The following RIPK2 variants were observed in gnomAD, a reference collection of about 807,000 sequenced individuals.
RIPK2 encodes receptor interacting serine/threonine kinase 2.
A neutral mutation model predicts 60.9 loss-of-function variants in RIPK2; 38 were observed. The ratio of observed to expected loss-of-function variants is 0.62; its 90% CI spans 0.48 to 0.82. The LOEUF (loss-of-function observed/expected upper bound fraction) is 0.82. Ranked by LOEUF, RIPK2 falls within the 40% of genes least tolerant of loss-of-function variation. RIPK2 has a pLI of 0.00. For synonymous variants in RIPK2, 225 were observed against 223.4 expected (o/e 1.01, Z -0.06); for missense variants, 518 against 647.0 (o/e 0.80, Z 2.16).
intron 3 of RIPK2, among the ~76,000 whole-genome samples, chr8:89,766,266 A>G (rs1809227872): frequency 6.6e-6 from 1 of 151,858 alleles, no homozygotes. Flanking sequence ...ATTTTGGGGT[A>G]ATTATTTACA....
At chr8:89,778,058 G>A (rs1022388665) in intron 6 of RIPK2, among the ~76,000 whole-genome samples, 3 of 151,796 alleles carry the variant, frequency 2.0e-5, no homozygotes, top group East Asian at 3.9e-4. Flanking sequence ...AGTTCACAAT[G>A]AAAGAAATTT....
intron 10 of RIPK2, 146 bp from the exon 11 acceptor site, chr8:89,789,933 C>G (rs1809648545): frequency 1.7e-6 from 1 of 573,024 alleles, no homozygotes; most frequent in Non-Finnish European, 2.9e-6. Flanking sequence ...TGAAAAATGA[C>G]ACCATTCCCC....
At chr8:89,772,450 C>A (rs1431976737) in intron 5 of RIPK2, among the ~76,000 whole-genome samples, 3 of 151,994 alleles carry the variant, frequency 2.0e-5, no homozygotes, top group African/African-American at 7.2e-5. Flanking sequence ...CATGGTCAAG[C>A]CCAAAATTAA....
In RIPK2 at chr8:89,772,831, G is replaced by C; in HGVS notation, c.853+3G>C. ...AGATGAAAGACCATCTTTCTTAAGT[G>C]AGTATATAGTTTTAACCTAGACTCT... On this transcript the variant is annotated splice_donor_region_variant and intron_variant, in intron 6 of 10. Transcript: ENST00000220751. The C allele has an allele frequency of 3.1e-6, 5 of 1,596,590 alleles. No homozygotes were observed. The highest frequency in any genetic ancestry group is 4.3e-6 in the Non-Finnish European group (5 of 1,169,766).
At chr8:89,789,226 G>A (rs1809634590) in intron 9 of RIPK2, 95 bp from the exon 10 acceptor site, 1 of 1,026,986 alleles carries the variant, frequency 9.7e-7, no homozygotes, top group Non-Finnish European at 1.5e-6. Context: ...TAAAGACATT[G>A]GAGCCTACCT....
At chr8:89,784,230 T>C in intron 8 of RIPK2, 91 bp downstream of exon 8, 4 of 770,550 alleles carry the variant, frequency 5.2e-6, no homozygotes, top group Non-Finnish European at 5.8e-6. Flanking sequence ...CCTTCTTTTA[T>C]AGAAGGAAAA....
intron 1 of RIPK2, among the ~76,000 whole-genome samples, chr8:89,760,491 C>A (rs980470315): frequency 1.3e-5 from 2 of 152,142 alleles, no homozygotes; most frequent in Non-Finnish European, 2.9e-5. Context: ...TTTTTAAAAT[C>A]TTTTGGCTTT....
At chr8:89,776,341 A>G (rs1191456689) in intron 6 of RIPK2, among the ~76,000 whole-genome samples, 1 of 152,234 alleles carries the variant, frequency 6.6e-6, no homozygotes, top group Admixed American at 6.5e-5. Context: ...TATGTAAGAC[A>G]GCAATTCTCA....
chr8:89,761,422 C>T (rs1330348037), intron 1 of RIPK2, among the ~76,000 whole-genome samples: 1 of 151,978 alleles, frequency 6.6e-6, no homozygotes, highest in African/African-American at 2.4e-5. Flanking sequence ...CGCGGGCATT[C>T]TATTCACTTA....
At chr8:89,788,227 C>T (rs540206667) in intron 9 of RIPK2, among the ~76,000 whole-genome samples, 2 of 151,706 alleles carry the variant, frequency 1.3e-5, no homozygotes, top group Admixed American at 6.6e-5. Context: ...CCTGTAATCC[C>T]AGCTCCTCAG....
chr8:89,781,360 T>TTTTTTC (rs1487905321), intron 7 of RIPK2, among the ~76,000 whole-genome samples: 5 of 25,350 alleles, frequency 2.0e-4, no homozygotes, highest in African/African-American at 1.1e-3. Context: ...TTGAATTTTT[T>TTTTTTC]TTTTTTTTTT....
intron 6 of RIPK2, among the ~76,000 whole-genome samples, chr8:89,775,737 AC>A (rs1397624682): frequency 6.6e-6 from 1 of 152,002 alleles, no homozygotes; most frequent in Non-Finnish European, 1.5e-5. Flanking sequence ...TGGTTATAGA[AC>A]CCTGAAGGAA....
chr8:89,772,997 G>T (rs1809339579), intron 6 of RIPK2, among the ~76,000 whole-genome samples, 169 bp downstream of exon 6: 1 of 152,136 alleles, frequency 6.6e-6, no homozygotes, highest in African/African-American at 2.4e-5. Context: ...TTCTAGAGCA[G>T]AATTGAGAAT....
intron 5 of RIPK2, 56 bp downstream of exon 5, chr8:89,771,846 C>A: frequency 9.6e-7 from 1 of 1,045,844 alleles, no homozygotes; most frequent in Non-Finnish European, 1.5e-6. Context: ...AGGTCACTCT[C>A]AGAACTATCT....
At chr8:89,760,954 A>G (rs1366277934) in intron 1 of RIPK2, among the ~76,000 whole-genome samples, 2 of 152,202 alleles carry the variant, frequency 1.3e-5, no homozygotes, top group Non-Finnish European at 2.9e-5. Context: ...AACTATTTCC[A>G]TCTAGGGAAT....
At chr8:89,778,393 A>G (rs1253180237) in intron 6 of RIPK2, among the ~76,000 whole-genome samples, 1 of 152,210 alleles carries the variant, frequency 6.6e-6, no homozygotes, top group Non-Finnish European at 1.5e-5. Flanking sequence ...ACAGTTTGCA[A>G]CCATTACTAT....
intron 6 of RIPK2, among the ~76,000 whole-genome samples, chr8:89,774,299 T>C (rs1297813862): frequency 6.6e-6 from 1 of 152,180 alleles, no homozygotes; most frequent in Non-Finnish European, 1.5e-5. Flanking sequence ...AAAATGATGC[T>C]TAATATTATT....
chr8:89,783,945 A>G (rs1384761204), intron 7 of RIPK2, 105 bp from the exon 8 acceptor site: 5 of 571,212 alleles, frequency 8.8e-6, no homozygotes, highest in Non-Finnish European at 1.5e-5. Flanking sequence ...TTTTCTTTCC[A>G]TGTATTTTGT....
rs1318677324 is a variant in RIPK2 at position 89,790,468 on chromosome 8, T to A, written c.*52T>A. 6 of 1,328,270 alleles carry A rather than the reference T, an allele frequency of 4.5e-6. No homozygotes were observed. The highest frequency in any genetic ancestry group is 6.2e-6 in the Non-Finnish European group (6 of 974,852). The allele number at this position is 1,328,270 out of a possible 1,614,324, so 82.3% of individuals were successfully genotyped here. On this transcript the variant is annotated 3_prime_UTR_variant, in exon 11 of 11. Transcript: ENST00000220751. The stretch of plus-strand genomic sequence containing the variant: ...TTTCATAAAAGGATATTTATATCTC[T>A]GTTGCTTTGACTTTTTTTATATAAA...
Sources: allele counts gnomAD v4.1 joint callset (sites outside exome capture counted in the v4.1 genomes callset), GRCh38; gene constraint gnomAD v4.1.1; transcripts MANE v1.5; gene names NCBI Gene and HGNC (gene_info 2026-07-23, HGNC 2026-07-21).